The following FBN2 variants were observed in gnomAD, a reference collection of about 807,000 sequenced individuals.
The protein encoded by FBN2 is fibrillin 2.
A neutral mutation model predicts 355.6 loss-of-function variants in FBN2; 105 were observed. The observed-to-expected ratio is 0.30, with a 90% CI of 0.25 to 0.35. FBN2 has a LOEUF of 0.35. Ranked by LOEUF, FBN2 falls within the 10% of genes least tolerant of loss-of-function variation. FBN2 has a pLI of 1.00. For missense variants in FBN2, 3,280 were observed against 3,758.7 expected (o/e 0.87, Z 3.33); for synonymous variants, 1,350 against 1,301.2 (o/e 1.04, Z -0.81).
In FBN2 at chr5:128,357,309, T is replaced by C. The variant is rs149429219; in HGVS notation, c.2641A>G (p.Ser881Gly). The change falls in exon 20 of 65, where the codon AGC becomes GGC. Residue 881 changes from serine to glycine, a missense_variant. By Grantham distance (56) the Ser-to-Gly change is moderately conservative. Coordinates refer to ENST00000262464, the MANE Select transcript of FBN2 (RefSeq NM_001999.4). ...ATCAATCCTGTGGAGCTGAGTTTGC[T>C]GCCGGGCGAACATTCACAATTGAAA... ...GSFNCECSPG[S>G]KLSSTGLICI... The C allele has an allele frequency of 6.2e-7, 1 of 1,613,904 alleles. No homozygotes were observed. Among genetic ancestry groups the C allele is most frequent in the African/African-American group, 1.3e-5 (1 of 74,942 alleles).
intron 5 of FBN2, among the ~76,000 whole-genome samples, chr5:128,518,630 G>A (rs191958070): frequency 5.9e-5 from 9 of 152,264 alleles, no homozygotes; most frequent in Admixed American, 3.3e-4. Flanking sequence ...AGTGTCTCTG[G>A]AGGCTATTGC....
intron 6 of FBN2, among the ~76,000 whole-genome samples, chr5:128,462,481 T>C (rs550086199): frequency 6.6e-6 from 1 of 152,312 alleles, no homozygotes; most frequent in East Asian, 1.9e-4. Context: ...AGCAGAACTT[T>C]TCAACGTGCT....
In FBN2 at chr5:128,357,295, G is replaced by A; in HGVS notation, c.2655C>T (p.Ser885=). Reference sequence around the variant, plus strand: ...TCTTACCAATACAGATCAATCCTGTGGAGCTGAGTTTGCTGCCGGGCGAAC... The same window carrying A: ...TCTTACCAATACAGATCAATCCTGTAGAGCTGAGTTTGCTGCCGGGCGAAC... ...CECSPGSKLS[S]TGLICIDSLK... is the part of the protein sequence containing the mutation. The change falls in exon 20 of 65, where the codon TCC becomes TCT. Residue 885 remains serine, a synonymous_variant. Transcript: ENST00000262464. The A allele has an allele frequency of 6.2e-7, 1 of 1,613,936 alleles. No homozygotes were observed. Among genetic ancestry groups the A allele is most frequent in the African/African-American group, 1.3e-5 (1 of 75,046 alleles).
At chr5:128,295,772 TCGTCTGCAAACAGGGAC>T (rs1749489165) in intron 48 of FBN2, among the ~76,000 whole-genome samples, 1 of 135,736 alleles carries the variant, frequency 7.4e-6, no homozygotes, top group African/African-American at 3.0e-5. Flanking sequence ...TACAATCATG[TCGTCTGCAAACAGGGAC>T]AATTTGACTT....
At chr5:128,294,252 G>C (rs1230456970) in intron 48 of FBN2, among the ~76,000 whole-genome samples, 11 of 152,018 alleles carry the variant, frequency 7.2e-5, no homozygotes, top group South Asian at 2.1e-4. Context: ...GGACATTTGG[G>C]TTGGTTCCAA....
chr5:128,406,696 G>A (rs1356990352), intron 8 of FBN2, among the ~76,000 whole-genome samples: 1 of 152,078 alleles, frequency 6.6e-6, no homozygotes, highest in Non-Finnish European at 1.5e-5. Context: ...TACCCTGGAC[G>A]GGCTGGTGTG....
chr5:128,389,085 C>T (rs1752444055), intron 11 of FBN2, among the ~76,000 whole-genome samples: 1 of 152,130 alleles, frequency 6.6e-6, no homozygotes, highest in Non-Finnish European at 1.5e-5. Flanking sequence ...AAAGAACAGT[C>T]TTTGAGCTCT....
chr5:128,287,553 C>CTGGTACGCAGAATT, intron 53 of FBN2, 123 bp from the exon 54 acceptor site: 2 of 1,014,958 alleles, frequency 2.0e-6, no homozygotes, highest in South Asian at 2.7e-5. Flanking sequence ...ACTTACACAT[C>CTGGTACGCAGAATT]TGGTACGCAG....
chr5:128,303,106 G>C lies in FBN2; in HGVS notation c.5801-17C>G. ...CATCAACATCTATAAAGAAATATAG[G>C]CTCAAAAAATTCAATTTTTAACTAG... On this transcript the variant is annotated splice_polypyrimidine_tract_variant and intron_variant, in intron 45 of 64. Coordinates refer to ENST00000262464, the MANE Select transcript of FBN2 (RefSeq NM_001999.4). The C allele has an allele frequency of 1.3e-6, 2 of 1,494,896 alleles. No individual in the cohort carries two copies. The highest frequency in any genetic ancestry group is 1.1e-5 in the South Asian group (1 of 88,572). The allele number at this position is 1,494,896 out of a possible 1,614,324, so 92.6% of individuals were successfully genotyped here. A position where few individuals can be genotyped will look rare whatever the true frequency, so the allele number is the denominator to read the frequency against.
At position 128,379,912 on chromosome 5, in the gene FBN2, T is replaced by G. The variant is rs150816601; in HGVS notation, c.1604-1022A>C. 8.1e-3 allele frequency among the ~76,000 whole-genome samples: 1,239 copies of G among 152,224 alleles called. 6 individuals carry two copies. Among genetic ancestry groups the G allele is most frequent in the South Asian group, 0.016 (75 of 4,824 alleles). ...ATAACAATAAAATCAGTTCACAGGT[T>G]TACCATTTTAATAAGCAGATTCCTA... is the stretch of plus-strand genomic sequence containing the variant. On this transcript the variant is annotated intron_variant, in intron 11 of 64. Transcript: ENST00000262464.
chr5:128,376,148 C>A (rs1003003038), intron 14 of FBN2, among the ~76,000 whole-genome samples: 1 of 152,100 alleles, frequency 6.6e-6, no homozygotes, highest in African/African-American at 2.4e-5. Flanking sequence ...ATAATAAGGT[C>A]TCATTTATTT....
At chr5:128,401,202 T>C (rs193276709) in intron 8 of FBN2, among the ~76,000 whole-genome samples, 1 of 152,308 alleles carries the variant, frequency 6.6e-6, no homozygotes, top group African/African-American at 2.4e-5. Context: ...CAGGAATCCA[T>C]TCTATACCAA....
Position 128,446,584 on chromosome 5 carries a change from G to T in FBN2, c.849C>A (p.Ile283=). Residue 283 remains isoleucine, a synonymous_variant, in exon 7 of 65, where the codon ATC becomes ATA. Coordinates refer to ENST00000262464, the MANE Select transcript of FBN2 (RefSeq NM_001999.4). ...AGTTTCCTCCTTGGCATATCCCTGGGATAGCCTGGCATTCATCAACATCTG... is the reference window on the plus strand; with the variant it reads ...AGTTTCCTCCTTGGCATATCCCTGGTATAGCCTGGCATTCATCAACATCTG... ...ACQDVDECQA[I]PGICQGGNCI... is the part of the protein sequence containing the mutation. 1 of 1,613,766 alleles carries T rather than the reference G, an allele frequency of 6.2e-7. No homozygotes were observed. The highest frequency in any genetic ancestry group is 1.1e-5 in the South Asian group (1 of 91,062).
intron 11 of FBN2, among the ~76,000 whole-genome samples, chr5:128,386,594 C>G (rs1752371945): frequency 6.6e-6 from 1 of 152,044 alleles, no homozygotes; most frequent in South Asian, 2.1e-4. Context: ...TAGCTAGAAT[C>G]TGTAAATTGC....
intron 36 of FBN2, among the ~76,000 whole-genome samples, 173 bp downstream of exon 36, chr5:128,317,976 G>A (rs142492122): frequency 7.9e-5 from 12 of 152,300 alleles, no homozygotes; most frequent in South Asian, 2.1e-4. Context: ...TCTCAAGTCC[G>A]TGAGAGGAGG....
chr5:128,482,107 T>C (rs929108383), intron 5 of FBN2, among the ~76,000 whole-genome samples: 32 of 152,168 alleles, frequency 2.1e-4, no homozygotes, highest in African/African-American at 7.7e-4. Context: ...AGCTGAACTC[T>C]CAACAAAAAT....
At chr5:128,436,744 A>G (rs1280488664) in intron 7 of FBN2, among the ~76,000 whole-genome samples, 1 of 152,142 alleles carries the variant, frequency 6.6e-6, no homozygotes, top group Non-Finnish European at 1.5e-5. Flanking sequence ...CCTAATCTGA[A>G]CGATGTGTCC....
chr5:128,390,287 G>A (rs1752478529), intron 11 of FBN2, among the ~76,000 whole-genome samples: 1 of 152,136 alleles, frequency 6.6e-6, no homozygotes, highest in Non-Finnish European at 1.5e-5. Context: ...CTGTTCTCAA[G>A]GTGTGGCCTC....
chr5:128,479,972 CTCTCTATATATATATA>C (rs1473380230), intron 5 of FBN2, among the ~76,000 whole-genome samples: 92 of 20,438 alleles, frequency 4.5e-3, no homozygotes, highest in African/African-American at 0.012. Flanking sequence ...CTCTCTCTCT[CTCTCTATATATATATA>C]TATATATATA....
Sources: gnomAD v4.1 joint callset for allele counts (sites outside exome capture counted in the v4.1 genomes callset) on GRCh38, gnomAD v4.1.1 for gene constraint, MANE v1.5 for transcripts, NCBI Gene and HGNC (gene_info 2026-07-23, HGNC 2026-07-21) for gene names.